The following WHR1 variants were observed in gnomAD, a reference collection of about 807,000 sequenced individuals.
The protein encoded by WHR1 is MHC class III HLA-RP1.
chr6:31,978,320 G>T, the WHR1 span, among the ~76,000 whole-genome samples: 3 of 151,436 alleles, frequency 2.0e-5, no homozygotes, highest in African/African-American at 7.3e-5. Context: ...GAGATGTGGC[G>T]GGTGGGGGGG....
chr6:31,972,478 C>A, the WHR1 span: 2 of 1,612,812 alleles, frequency 1.2e-6, no homozygotes, highest in Non-Finnish European at 1.7e-6. The surrounding 1 kb of genome is among the most constrained non-coding windows in gnomAD (Gnocchi z 6.3). Context: ...GAAGCGAGGG[C>A]CTGTGGAGTC....
chr6:31,971,534 C>A, the WHR1 span: 1 of 1,614,164 alleles, frequency 6.2e-7, no homozygotes, highest in Non-Finnish European at 8.5e-7. The surrounding 1 kb of genome is among the most constrained non-coding windows in gnomAD (Gnocchi z 4.5). Flanking sequence ...CAGCCCAGTT[C>A]CGAAGGGCGC....
chr6:31,978,702 C>G, the WHR1 span, among the ~76,000 whole-genome samples: 1 of 152,288 alleles, frequency 6.6e-6, no homozygotes, highest in East Asian at 1.9e-4. Context: ...ATATATAAGG[C>G]AGGTGGATGA....
the WHR1 span, chr6:31,973,181 GA>G: frequency 2.5e-6 from 1 of 395,892 alleles, no homozygotes; most frequent in Non-Finnish European, 4.9e-6. Flanking sequence ...GAGAAGTGGT[GA>G]AGGCCTAAAT....
At chr6:31,972,331 T>G in the WHR1 span, 1 of 1,613,148 alleles carries the variant, frequency 6.2e-7, no homozygotes, top group African/African-American at 1.3e-5. This position sits in a 1 kb window ranked among gnomAD's most constrained non-coding sequence, Gnocchi z 6.3. Flanking sequence ...CGTACGTCAC[T>G]GCTCTGCGCC....
the WHR1 span, among the ~76,000 whole-genome samples, chr6:31,973,739 T>G: frequency 6.6e-6 from 1 of 152,178 alleles, no homozygotes; most frequent in African/African-American, 2.4e-5. Flanking sequence ...GCAGTGTTAC[T>G]GAATATATGA....
At chr6:31,980,383 A>G in the WHR1 span, 2 of 1,388,522 alleles carry the variant, frequency 1.4e-6, no homozygotes, top group Non-Finnish European at 2.0e-6. Context: ...GTAAACATTA[A>G]TGGATGAGGA....
the WHR1 span, chr6:31,979,467 A>C: frequency 6.2e-7 from 1 of 1,612,760 alleles, no homozygotes; most frequent in African/African-American, 1.3e-5. Flanking sequence ...AGAAATTTCT[A>C]GCTTCAGTAC....
chr6:31,979,144 A>C, the WHR1 span: 2 of 723,398 alleles, frequency 2.8e-6, no homozygotes, highest in African/African-American at 3.7e-5. Flanking sequence ...GGTAAATAGT[A>C]ATATGAGGGA....
chr6:31,972,117 G>A, the WHR1 span: 6 of 1,612,876 alleles, frequency 3.7e-6, no homozygotes, highest in South Asian at 3.3e-5. This position sits in a 1 kb window ranked among gnomAD's most constrained non-coding sequence, Gnocchi z 6.3. Context: ...CGTGGCCACC[G>A]GCGCCCCTCC....
the WHR1 span, chr6:31,973,078 C>T: frequency 1.7e-6 from 1 of 604,992 alleles, no homozygotes; most frequent in Non-Finnish European, 3.1e-6. Context: ...TACACTGAGG[C>T]GATGGGCTGG....
chr6:31,972,353 T>G, the WHR1 span: 4 of 1,613,082 alleles, frequency 2.5e-6, no homozygotes, highest in Non-Finnish European at 3.4e-6. The surrounding 1 kb of genome is among the most constrained non-coding windows in gnomAD (Gnocchi z 6.3). Flanking sequence ...GAAGACCCTA[T>G]TTTCAGGTTC....
At chr6:31,975,912 A>AC in the WHR1 span, among the ~76,000 whole-genome samples, 3,653 of 142,898 alleles carry the variant, frequency 0.026, 36 homozygotes, top group East Asian at 0.093. Flanking sequence ...CGGGGGGCTG[A>AC]CCCCCCCACC....
At chr6:31,975,863 G>A in the WHR1 span, among the ~76,000 whole-genome samples, 16 of 151,904 alleles carry the variant, frequency 1.1e-4, no homozygotes, top group Non-Finnish European at 1.9e-4. Flanking sequence ...CGGCCGGGCA[G>A]AGGCGCCCCT....
At chr6:31,972,774 C>T in the WHR1 span, 2 of 1,608,518 alleles carry the variant, frequency 1.2e-6, no homozygotes, top group East Asian at 2.2e-5. The surrounding 1 kb of genome is among the most constrained non-coding windows in gnomAD (Gnocchi z 6.3). Context: ...GGCGTCGGTG[C>T]GACCGCCGGA....
the WHR1 span, chr6:31,972,930 G>A: frequency 5.4e-6 from 6 of 1,104,346 alleles, no homozygotes; most frequent in Non-Finnish European, 8.0e-6. This position sits in a 1 kb window ranked among gnomAD's most constrained non-coding sequence, Gnocchi z 6.3. Context: ...GTAGTACAGG[G>A]CATTTCAAAT....
chr6:31,975,984 C>T, the WHR1 span, among the ~76,000 whole-genome samples: 11 of 139,712 alleles, frequency 7.9e-5, no homozygotes, highest in Non-Finnish European at 1.1e-4. Context: ...TAGGGGCGGC[C>T]GGGCAGAGGC....
chr6:31,980,351 GC>G, the WHR1 span: 1 of 1,082,858 alleles, frequency 9.2e-7, no homozygotes, highest in South Asian at 1.6e-5. Flanking sequence ...TTGCATGGTT[GC>G]CCGTGTTTCT....
the WHR1 span, among the ~76,000 whole-genome samples, chr6:31,977,928 C>CA: frequency 6.6e-6 from 1 of 152,164 alleles, no homozygotes; most frequent in Non-Finnish European, 1.5e-5. Flanking sequence ...GCTGGGACTA[C>CA]AGGCACACAT....
Sources: allele counts gnomAD v4.1 joint callset (sites outside exome capture counted in the v4.1 genomes callset), GRCh38; gene constraint gnomAD v4.1.1; non-coding constraint Gnocchi (gnomAD v3.1); transcripts MANE v1.5; gene names NCBI Gene and HGNC (gene_info 2026-07-23, HGNC 2026-07-21).